Variants in DNAJC17 observed in about 807,000 individuals in gnomAD.
DNAJC17 encodes dnaJ homolog subfamily C member 17.
DNAJC17 carries 35 observed loss-of-function variants against 48.1 expected under a neutral mutation model. That is an observed-to-expected ratio of 0.73 (90% CI 0.56 to 0.96). The LOEUF (loss-of-function observed/expected upper bound fraction) is 0.96. Among genes scored for constraint, DNAJC17 ranks in the 50% least tolerant of loss-of-function variants. DNAJC17 has a pLI of 0.00. For missense variants in DNAJC17, 355 were observed against 377.1 expected (o/e 0.94, Z 0.48); for synonymous variants, 117 against 142.7 (o/e 0.82, Z 1.28).
In DNAJC17 at chr15:40,776,506, C is replaced by T. The variant is rs1004639350; in HGVS notation, c.381+36G>A. The T allele has an allele frequency of 5.0e-6, 8 of 1,607,158 alleles. No homozygotes were observed. In the Admixed American group the frequency reaches 1.0e-4, roughly 20 times the overall value. ...CATCCTCCCCCACCTCCTCCTCCTGCAGGTGGCCTTCTGGCCAGTGTGCCT... is the reference window on the plus strand; with the variant it reads ...CATCCTCCCCCACCTCCTCCTCCTGTAGGTGGCCTTCTGGCCAGTGTGCCT... On this transcript the variant is annotated intron_variant, in intron 5 of 10. Coordinates refer to ENST00000220496, the MANE Select transcript of DNAJC17 (RefSeq NM_018163.3).
chr15:40,781,177 T>C (rs1267030343), intron 1 of DNAJC17, among the ~76,000 whole-genome samples: 2 of 146,722 alleles, frequency 1.4e-5, no homozygotes, highest in Non-Finnish European at 3.0e-5. Flanking sequence ...AAAAAAAAGA[T>C]TATGATTGGC....
At chr15:40,791,002 C>T (rs1889784071) in intron 1 of DNAJC17, among the ~76,000 whole-genome samples, 1 of 151,944 alleles carries the variant, frequency 6.6e-6, no homozygotes, top group Non-Finnish European at 1.5e-5. Context: ...GAACAACTAT[C>T]TTCAAGTGAA....
At chr15:40,779,096 C>G (rs1268887991) in intron 4 of DNAJC17, 127 bp downstream of exon 4, 1 of 868,250 alleles carries the variant, frequency 1.2e-6, no homozygotes, top group Non-Finnish European at 1.9e-6. Context: ...CTAAGAACAG[C>G]GTTTTGCCCA....
rs984321458 is a variant in DNAJC17 at position 40,767,566 on chromosome 15, C to T, written c.*374G>A. 9.7e-6 allele frequency: 6 copies of T among 618,116 alleles called. No individual in the cohort carries two copies. The highest frequency in any genetic ancestry group is 1.6e-5 in the Non-Finnish European group (6 of 377,786). 38.3% of individuals were successfully genotyped at this position (618,116 alleles called of 1,614,324 possible). Reference sequence around the variant, plus strand: ...CGGTGCCCTGGTGCTCCCAGCTGCCCTCCTGCTTCGGGCCTGGGCCGAGGG... The same window carrying T: ...CGGTGCCCTGGTGCTCCCAGCTGCCTTCCTGCTTCGGGCCTGGGCCGAGGG... On this transcript the variant is annotated 3_prime_UTR_variant, in exon 11 of 11. Transcript: ENST00000220496.
intron 1 of DNAJC17, among the ~76,000 whole-genome samples, chr15:40,781,970 T>C (rs1889507919): frequency 6.6e-6 from 1 of 151,996 alleles, no homozygotes; most frequent in Non-Finnish European, 1.5e-5. Flanking sequence ...ATGCCTGTAG[T>C]CCCAGCTACT....
intron 1 of DNAJC17, among the ~76,000 whole-genome samples, chr15:40,806,254 T>TTCAAGAAGGAGGCGA (rs1890219434): frequency 6.7e-6 from 1 of 149,320 alleles, no homozygotes; most frequent in Non-Finnish European, 1.5e-5. Context: ...AGTCTCGCTC[T>TTCAAGAAGGAGGCGA]GTCGCCCAGA....
intron 1 of DNAJC17, among the ~76,000 whole-genome samples, chr15:40,804,026 A>G (rs1278156271): frequency 6.6e-6 from 1 of 150,940 alleles, no homozygotes; most frequent in African/African-American, 2.4e-5. Flanking sequence ...AGGCTGGAAT[A>G]CAGTGGCAAA....
At position 40,776,760 on chromosome 15, in the gene DNAJC17, C is replaced by T. The variant is rs1889339114; in HGVS notation, c.296-133G>A. On this transcript the variant is annotated intron_variant, in intron 4 of 10. Transcript: ENST00000220496. ...CATACAGTAACTCTGCCCCCTCCCTCCATGCCCACGCCCCCGAGTCAATTT... is the reference window on the plus strand; with the variant it reads ...CATACAGTAACTCTGCCCCCTCCCTTCATGCCCACGCCCCCGAGTCAATTT... The T allele has an allele frequency of 9.2e-5, 73 of 793,618 alleles. No individual in the cohort carries two copies. The South Asian group carries it at 1.1e-3, about 12-fold the overall frequency. The allele number at this position is 793,618 out of a possible 1,614,324, so 49.2% of individuals were successfully genotyped here. A position where few individuals can be genotyped will look rare whatever the true frequency, so the allele number is the denominator to read the frequency against.
At chr15:40,791,802 G>A (rs909152512) in intron 1 of DNAJC17, among the ~76,000 whole-genome samples, 6 of 152,076 alleles carry the variant, frequency 3.9e-5, no homozygotes, top group African/African-American at 7.2e-5. Context: ...CCAAGATCAC[G>A]CCATTGCACT....
chr15:40,783,417 G>C (rs1228803331), intron 1 of DNAJC17, among the ~76,000 whole-genome samples: 1 of 152,188 alleles, frequency 6.6e-6, no homozygotes, highest in Non-Finnish European at 1.5e-5. Context: ...TGAGAGGAAG[G>C]GAGGGGGAGG....
chr15:40,766,550 C>G lies in DNAJC17; in HGVS notation c.*1390G>C, dbSNP rs1486089011. The G allele has an allele frequency of 6.6e-6, 1 of 152,256 alleles. No individual in the cohort carries two copies. Among genetic ancestry groups the G allele is most frequent in the Non-Finnish European group, 1.5e-5 (1 of 68,074 alleles). The allele number at this position is 152,256 out of a possible 1,614,324, so 9.4% of individuals were successfully genotyped here. A position where few individuals can be genotyped will look rare whatever the true frequency, so the allele number is the denominator to read the frequency against. On this transcript the variant is annotated 3_prime_UTR_variant, in exon 11 of 11. Coordinates refer to ENST00000220496, the MANE Select transcript of DNAJC17 (RefSeq NM_018163.3). ...TGATCCCAGCCCCTGGGTCAAGGCT[C>G]GGGGACAGAAGCCAGCCCCCTCCCT...
chr15:40,767,457 C>A lies in DNAJC17; in HGVS notation c.*483G>T. Reference sequence around the variant, plus strand: ...CTGCCTTGCTCCTCTCTTCCCAAATCATCACCGCCATGGGCCCAGCCCCAA... The same window carrying A: ...CTGCCTTGCTCCTCTCTTCCCAAATAATCACCGCCATGGGCCCAGCCCCAA... On this transcript the variant is annotated 3_prime_UTR_variant, in exon 11 of 11. Coordinates refer to ENST00000220496, the MANE Select transcript of DNAJC17 (RefSeq NM_018163.3). 5 of 1,262,010 alleles carry A rather than the reference C, an allele frequency of 4.0e-6. No homozygotes were observed. The highest frequency in any genetic ancestry group is 5.4e-6 in the Non-Finnish European group (5 of 929,302). 78.2% of individuals were successfully genotyped at this position (1,262,010 alleles called of 1,614,324 possible).
intron 8 of DNAJC17, 38 bp from the exon 9 acceptor site, chr15:40,774,474 C>T (rs754145086): frequency 1.9e-6 from 3 of 1,610,486 alleles, no homozygotes; most frequent in Non-Finnish European, 2.5e-6. Context: ...CATGACTTGG[C>T]CTTCAGGATG....
chr15:40,796,529 G>A (rs966151233), intron 1 of DNAJC17, among the ~76,000 whole-genome samples: 2 of 152,060 alleles, frequency 1.3e-5, no homozygotes, highest in Non-Finnish European at 2.9e-5. Context: ...TGTTAGGTGA[G>A]TTTGAAAAAA....
chr15:40,778,546 C>T (rs918602834), intron 4 of DNAJC17, among the ~76,000 whole-genome samples: 2 of 150,670 alleles, frequency 1.3e-5, no homozygotes, highest in African/African-American at 2.5e-5. Context: ...CCACCGCGCC[C>T]GGCCACAAGC....
intron 1 of DNAJC17, among the ~76,000 whole-genome samples, chr15:40,789,822 C>G (rs1057300870): frequency 1.5e-5 from 2 of 136,000 alleles, no homozygotes; most frequent in Admixed American, 1.7e-4. Flanking sequence ...AGGAGAATGG[C>G]GTGAACCCGG....
intron 1 of DNAJC17, among the ~76,000 whole-genome samples, chr15:40,806,091 C>A (rs1482771885): frequency 1.3e-5 from 2 of 152,110 alleles, no homozygotes; most frequent in Admixed American, 1.3e-4. Flanking sequence ...AGGTTGACAG[C>A]ATTTCTCAAG....
chr15:40,801,684 C>A (rs961821872), intron 1 of DNAJC17, among the ~76,000 whole-genome samples: 1 of 139,192 alleles, frequency 7.2e-6, no homozygotes, highest in Non-Finnish European at 1.5e-5. Flanking sequence ...ACCTGGGAGG[C>A]GGAGCTTGCA....
At chr15:40,789,914 A>G (rs1889749227) in intron 1 of DNAJC17, among the ~76,000 whole-genome samples, 1 of 148,876 alleles carries the variant, frequency 6.7e-6, no homozygotes, top group African/African-American at 2.5e-5. Flanking sequence ...AAAAAAAAAA[A>G]AAAAAAAAAA....
Sources: allele counts gnomAD v4.1 joint callset (sites outside exome capture counted in the v4.1 genomes callset), GRCh38; gene constraint gnomAD v4.1.1; transcripts MANE v1.5; gene names NCBI Gene and HGNC (gene_info 2026-07-23, HGNC 2026-07-21).